The following NUP98 variants were observed in gnomAD, a reference collection of about 807,000 sequenced individuals.
The protein encoded by NUP98 is nucleoporin 98 and 96 precursor.
In NUP98, 26 loss-of-function variants were observed where a neutral mutation model predicts 191.9. The ratio of observed to expected loss-of-function variants is 0.14; its 90% confidence interval spans 0.10 to 0.19. NUP98 has a LOEUF of 0.19. Among genes scored for constraint, NUP98 ranks in the 10% least tolerant of loss-of-function variants. NUP98 has a pLI of 1.00. For missense variants in NUP98, 1,941 were observed against 2,178.8 expected (o/e 0.89, Z 2.17); for synonymous variants, 808 against 778.4 (o/e 1.04, Z -0.63).
chr11:3,723,308 G>A lies in NUP98; in HGVS notation c.1995C>T (p.Asn665=), dbSNP rs577074852. ...ATGCAACAATGGTATCATCCACACT[G>A]TTGCTGTTGCTGTGTTTATTTCCAG... is the stretch of plus-strand genomic sequence containing the variant. ...ESAGNKHSNS[N]SVDDTIVALN... is the part of the protein sequence containing the mutation. Residue 665 remains asparagine, a synonymous_variant, in exon 16 of 33, where the codon AAC becomes AAT. Coordinates refer to ENST00000324932, the MANE Select transcript of NUP98 (RefSeq NM_016320.5). The A allele has an allele frequency of 1.6e-4, 256 of 1,614,128 alleles. 3 individuals carry two copies. In the South Asian group the frequency reaches 2.7e-3, roughly 17 times the overall value.
chr11:3,748,799 T>C (rs2080609237), intron 11 of NUP98, among the ~76,000 whole-genome samples: 1 of 152,168 alleles, frequency 6.6e-6, no homozygotes, highest in African/African-American at 2.4e-5. Context: ...TGATTTCAGA[T>C]GATATATTCT....
intron 25 of NUP98, among the ~76,000 whole-genome samples, chr11:3,697,565 T>C (rs1380951578): frequency 2.6e-5 from 4 of 151,924 alleles, no homozygotes; most frequent in Admixed American, 2.0e-4. Flanking sequence ...ATCCCAGCAC[T>C]TGGGAGGCCA....
In NUP98 at chr11:3,778,978, A is replaced by T. The variant is rs753367661; in HGVS notation, c.250T>A (p.Ser84Thr). ...STSTGFGFGT[S>T]TGTANTLFGT... ...AACAAGGTATTTGCTGTTCCTGTTG[A>T]CGTACCAAACCCAAAGCCAGTGCTT... Residue 84 changes from serine to threonine, a missense_variant, in exon 4 of 33, where the codon TCA (serine) becomes ACA (threonine). Transcript: ENST00000324932. The T allele has an allele frequency of 1.2e-6, 2 of 1,614,212 alleles. No homozygotes were observed. Among genetic ancestry groups the T allele is most frequent in the Admixed American group, 3.3e-5 (2 of 60,022 alleles).
Position 3,771,739 on chromosome 11 carries a change from A to G in NUP98, c.784+9T>C. ...CTCAGTATAATCTAACATGATATCA[A>G]GTGCTTACTAGTTCCAAAGGCAGTT... is the stretch of plus-strand genomic sequence containing the variant. On this transcript the variant is annotated intron_variant, in intron 7 of 32. Coordinates refer to ENST00000324932, the MANE Select transcript of NUP98 (RefSeq NM_016320.5). 1 of 1,612,578 alleles carries G rather than the reference A, an allele frequency of 6.2e-7. No individual in the cohort carries two copies.
chr11:3,752,600 AAC>A (rs1321667324), intron 11 of NUP98, among the ~76,000 whole-genome samples: 2 of 152,122 alleles, frequency 1.3e-5, no homozygotes, highest in Non-Finnish European at 2.9e-5. Context: ...GGAAAAAAAA[AAC>A]AGATTAACTG....
chr11:3,675,864 G>A lies in NUP98; in HGVS notation c.*295C>T, dbSNP rs965813719. ...GCTAGGGATGGAAAAAGAATACCCT[G>A]GTTCTTTGGGGGATTCTGCCAAAGG... On this transcript the variant is annotated 3_prime_UTR_variant, in exon 33 of 33. Coordinates refer to ENST00000324932, the MANE Select transcript of NUP98 (RefSeq NM_016320.5). 4.4e-6 allele frequency: 2 copies of A among 452,372 alleles called. No homozygotes were observed. Among genetic ancestry groups the A allele is most frequent in the Non-Finnish European group, 8.1e-6 (2 of 247,940 alleles). The allele number at this position is 452,372 out of a possible 1,614,324, so 28.0% of individuals were successfully genotyped here.
intron 11 of NUP98, among the ~76,000 whole-genome samples, chr11:3,748,172 A>T (rs2080579916): frequency 1.3e-5 from 2 of 152,224 alleles, no homozygotes; most frequent in African/African-American, 2.4e-5. Context: ...GAGAGACAAA[A>T]GCATCAGAAA....
chr11:3,796,796 T>A (rs2082627310), intron 1 of NUP98, among the ~76,000 whole-genome samples: 1 of 152,206 alleles, frequency 6.6e-6, no homozygotes, highest in Non-Finnish European at 1.5e-5. Flanking sequence ...CTTAAACAAT[T>A]TCTAAAGTCC....
intron 1 of NUP98, among the ~76,000 whole-genome samples, chr11:3,793,867 G>A (rs1205054663): frequency 6.6e-6 from 1 of 152,036 alleles, no homozygotes; most frequent in African/African-American, 2.4e-5. Flanking sequence ...TACTCGGGAG[G>A]CTGAGGCAAG....
At chr11:3,789,528 T>G (rs977857523) in intron 1 of NUP98, among the ~76,000 whole-genome samples, 3 of 151,454 alleles carry the variant, frequency 2.0e-5, no homozygotes, top group African/African-American at 7.3e-5. Flanking sequence ...TTTTGGTTTT[T>G]GTTTTGAGAC....
intron 20 of NUP98, 44 bp from the exon 21 acceptor site, chr11:3,706,671 C>A (rs770109118): frequency 1.3e-6 from 2 of 1,517,008 alleles, no homozygotes; most frequent in South Asian, 2.3e-5. Flanking sequence ...TAAATTATAC[C>A]AAACAGAAAT....
chr11:3,719,559 C>T lies in NUP98; in HGVS notation c.2261-9G>A, dbSNP rs769011263. On this transcript the variant is annotated splice_polypyrimidine_tract_variant and intron_variant, in intron 17 of 32. Coordinates refer to ENST00000324932, the MANE Select transcript of NUP98 (RefSeq NM_016320.5). The stretch of plus-strand genomic sequence containing the variant: ...ATAGATTGAACCATAACCTATAAAT[C>T]AGAGCAAATAGTTAAAAATTCATTC... The T allele has an allele frequency of 1.2e-5, 18 of 1,538,568 alleles. No individual in the cohort carries two copies. The highest frequency in any genetic ancestry group is 1.5e-5 in the Non-Finnish European group (17 of 1,147,462).
At chr11:3,777,451 T>A (rs1044346446) in intron 4 of NUP98, among the ~76,000 whole-genome samples, 1 of 151,798 alleles carries the variant, frequency 6.6e-6, no homozygotes, top group Non-Finnish European at 1.5e-5. Context: ...TGAAACCCCA[T>A]CTCTACTAAA....
chr11:3,781,031 G>C (rs2081949796), intron 2 of NUP98, among the ~76,000 whole-genome samples: 3 of 151,856 alleles, frequency 2.0e-5, no homozygotes, highest in Admixed American at 1.3e-4. Flanking sequence ...AGCGAGCTGA[G>C]AAAAATGAGC....
chr11:3,780,537 A>G, intron 2 of NUP98, among the ~76,000 whole-genome samples: 1 of 81,412 alleles, frequency 1.2e-5, no homozygotes. Context: ...GCGAGACTCC[A>G]TCTCAAAAAA....
intron 13 of NUP98, among the ~76,000 whole-genome samples, chr11:3,734,042 T>C (rs949953592): frequency 1.3e-5 from 2 of 149,222 alleles, no homozygotes; most frequent in Non-Finnish European, 3.0e-5. Context: ...CCATTTCTCT[T>C]TTTTTTTTTT....
chr11:3,758,642 G>A (rs1436744738), intron 10 of NUP98, among the ~76,000 whole-genome samples: 1 of 152,042 alleles, frequency 6.6e-6, no homozygotes, highest in Non-Finnish European at 1.5e-5. Flanking sequence ...AAAATTAGCT[G>A]GGCATGGTGG....
chr11:3,766,922 T>C (rs2081358737), intron 8 of NUP98, among the ~76,000 whole-genome samples: 3 of 152,164 alleles, frequency 2.0e-5, no homozygotes, highest in Non-Finnish European at 4.4e-5. Context: ...GAACCAACCT[T>C]CCTCGGATAA....
Position 3,686,098 on chromosome 11 carries a change from A to G in NUP98, c.4551T>C (p.Ala1517=). 5 of 1,614,226 alleles carry G rather than the reference A, an allele frequency of 3.1e-6. No homozygotes were observed. The highest frequency in any genetic ancestry group is 4.2e-6 in the Non-Finnish European group (5 of 1,180,038). Residue 1517 remains alanine, a synonymous_variant, in exon 29 of 33, where the codon GCT becomes GCC. Coordinates refer to ENST00000324932, the MANE Select transcript of NUP98 (RefSeq NM_016320.5). ...LSWHLWEVLR[A]LNYTHLSAQC... ...GCGCTGAGAGATGGGTGTAGTTAAGAGCCCTCAGCACTTCCCACAAGTGCC... is the reference window on the plus strand; with the variant it reads ...GCGCTGAGAGATGGGTGTAGTTAAGGGCCCTCAGCACTTCCCACAAGTGCC...
Sources: gnomAD v4.1 joint callset for allele counts (sites outside exome capture counted in the v4.1 genomes callset) on GRCh38, gnomAD v4.1.1 for gene constraint, MANE v1.5 for transcripts, NCBI Gene and HGNC (gene_info 2026-07-23, HGNC 2026-07-21) for gene names.